XKR4: variants seen among roughly 807,000 people sequenced by gnomAD.
XKR4 encodes the protein XK-related protein 4.
A neutral mutation model predicts 53.9 loss-of-function variants in XKR4; 12 were observed. The ratio of observed to expected loss-of-function variants is 0.22; its 90% confidence interval spans 0.14 to 0.36. The LOEUF (loss-of-function observed/expected upper bound fraction) is 0.36. Among genes scored for constraint, XKR4 ranks in the 10% least tolerant of loss-of-function variants. The pLI, the probability that XKR4 is intolerant of heterozygous loss-of-function variation, is 1.00. For synonymous variants in XKR4, 354 were observed against 362.4 expected, an observed-to-expected ratio of 0.98 and a Z score of 0.26; for missense variants, 799 against 859.5, an observed-to-expected ratio of 0.93 and a Z score of 0.88.
intron 1 of XKR4, among the ~76,000 whole-genome samples, chr8:55,136,135 G>A (rs753304033): frequency 1.2e-4 from 18 of 151,986 alleles, no homozygotes; most frequent in Admixed American, 9.8e-4. Flanking sequence ...CTTGTGATCC[G>A]CCCCCCTTCG....
chr8:55,281,053 T>A (rs1563314421), intron 1 of XKR4, among the ~76,000 whole-genome samples: 1 of 152,198 alleles, frequency 6.6e-6, no homozygotes. Context: ...GACAGGTCTT[T>A]CACAGTGGTT....
At chr8:55,462,864 A>G (rs1805684970) in intron 2 of XKR4, among the ~76,000 whole-genome samples, 1 of 152,210 alleles carries the variant, frequency 6.6e-6, no homozygotes, top group Non-Finnish European at 1.5e-5. Flanking sequence ...AACAAAGATC[A>G]AAAGAGACAA....
At chr8:55,504,995 G>A (rs1806502111) in intron 2 of XKR4, among the ~76,000 whole-genome samples, 1 of 151,756 alleles carries the variant, frequency 6.6e-6, no homozygotes, top group South Asian at 2.1e-4. Flanking sequence ...TCCTTTTAAA[G>A]AACTAACTTT....
intron 1 of XKR4, among the ~76,000 whole-genome samples, chr8:55,295,406 G>A (rs1819087807): frequency 6.6e-6 from 1 of 152,146 alleles, no homozygotes; most frequent in Non-Finnish European, 1.5e-5. Context: ...TTTAGAGATA[G>A]GGAAGAGGTA....
chr8:55,320,867 A>G (rs999034001), intron 1 of XKR4, among the ~76,000 whole-genome samples: 59 of 152,208 alleles, frequency 3.9e-4, no homozygotes, highest in African/African-American at 1.3e-3. Context: ...TTTTTTATGT[A>G]TTGGTGTGTC....
At chr8:55,153,142 C>CCA (rs1563469716) in intron 1 of XKR4, among the ~76,000 whole-genome samples, 1 of 152,094 alleles carries the variant, frequency 6.6e-6, no homozygotes, top group Non-Finnish European at 1.5e-5. Flanking sequence ...TCCACACTTG[C>CCA]CACACACACA....
chr8:55,498,980 G>A (rs1806397723), intron 2 of XKR4, among the ~76,000 whole-genome samples: 1 of 152,232 alleles, frequency 6.6e-6, no homozygotes, highest in Non-Finnish European at 1.5e-5. Context: ...GTCTGCCTCA[G>A]GGGCAAGATA....
chr8:55,401,786 T>C (rs181791219), intron 2 of XKR4, among the ~76,000 whole-genome samples: 1 of 152,372 alleles, frequency 6.6e-6, no homozygotes, highest in East Asian at 1.9e-4. Flanking sequence ...AAAAGGCCTT[T>C]GTTTGTGTTG....
chr8:55,449,887 C>T lies in XKR4; in HGVS notation c.1007-73394C>T. 4 of 914,854 alleles carry T rather than the reference C, an allele frequency of 4.4e-6. No homozygotes were observed. In the East Asian group the frequency reaches 9.7e-5, roughly 22 times the overall value. 56.7% of individuals were successfully genotyped at this position (914,854 alleles called of 1,614,324 possible). The stretch of plus-strand genomic sequence containing the variant: ...GGCTGTAAGGGTGCTGGTGCTGCCG[C>T]AGGCAGCCTGGCGGGAGCCAGATGC... On this transcript the variant is annotated intron_variant, in intron 2 of 2. Coordinates refer to ENST00000327381, the MANE Select transcript of XKR4 (RefSeq NM_052898.2).
chr8:55,263,231 T>C (rs1376790845), intron 1 of XKR4, among the ~76,000 whole-genome samples: 1 of 152,190 alleles, frequency 6.6e-6, no homozygotes, highest in Admixed American at 6.5e-5. Context: ...GGAGTGTCAC[T>C]ACCCCATGTG....
chr8:55,505,517 C>T (rs946843735), intron 2 of XKR4, among the ~76,000 whole-genome samples: 5 of 152,156 alleles, frequency 3.3e-5, no homozygotes, highest in African/African-American at 1.2e-4. Context: ...CACCATGATA[C>T]TCCTGCCTGG....
chr8:55,477,295 G>A (rs1807174005), intron 2 of XKR4, among the ~76,000 whole-genome samples: 2 of 152,142 alleles, frequency 1.3e-5, no homozygotes, highest in Admixed American at 1.3e-4. Flanking sequence ...CAGGCAAACA[G>A]GGTCTGGAGT....
chr8:55,481,123 G>T (rs1806096734), intron 2 of XKR4, among the ~76,000 whole-genome samples: 1 of 152,144 alleles, frequency 6.6e-6, no homozygotes. Flanking sequence ...AAAGCCAGAG[G>T]CATCACACTA....
In XKR4 at chr8:55,341,000, G is replaced by A. The variant is rs147773063; in HGVS notation, c.807-16678G>A. On this transcript the variant is annotated intron_variant, in intron 1 of 2. Transcript: ENST00000327381. ...GTGGGAAAATTAGGAACCATTCTGG[G>A]GTGTTTGAGCATGGAACTCATGTAA... Among the ~76,000 whole-genome samples the A allele has an allele frequency of 1.9e-3, 289 of 152,244 alleles. 7 individuals are homozygous for A. The South Asian group carries it at 0.027, about 14-fold the overall frequency.
rs1032442829 is a variant in XKR4, at chr8:55,189,768, G to C, written c.806+86474G>C. The stretch of plus-strand genomic sequence containing the variant: ...GTATTTGTCAGCACTTTTGTTTCCT[G>C]TTCTTTATAAAGTCTCCTTTCTGCC... On this transcript the variant is annotated intron_variant, in intron 1 of 2. Coordinates refer to ENST00000327381, the MANE Select transcript of XKR4 (RefSeq NM_052898.2). 9.9e-5 allele frequency among the ~76,000 whole-genome samples: 15 copies of C among 152,206 alleles called. 1 individual carries two copies. The highest frequency in any genetic ancestry group is 8.5e-4 in the Admixed American group (13 of 15,288).
chr8:55,165,740 G>T (rs1021271565), intron 1 of XKR4, among the ~76,000 whole-genome samples: 1 of 150,526 alleles, frequency 6.6e-6, no homozygotes, highest in Admixed American at 6.6e-5. Context: ...GGGAGGCGGA[G>T]CTTGCAGTGA....
At chr8:55,144,158 A>G (rs1476228626) in intron 1 of XKR4, among the ~76,000 whole-genome samples, 2 of 152,146 alleles carry the variant, frequency 1.3e-5, no homozygotes, top group Non-Finnish European at 2.9e-5. Flanking sequence ...TTCATTTTGC[A>G]TCTCTTCTTG....
rs539481472 is a variant in XKR4, at chr8:55,358,598, CAAG to C, written c.1006+726_1006+728del. Among the ~76,000 whole-genome samples the C allele has an allele frequency of 3.3e-4, 50 of 152,298 alleles. No individual in the cohort carries two copies. The South Asian group carries it at 1.0e-2, about 30-fold the overall frequency. On this transcript the variant is annotated intron_variant, in intron 2 of 2. Transcript: ENST00000327381. ...TCAAATCCTTTCTAGAATAAGGCAG[CAAG>C]AAGATTAGACAGACTGGTGGGTAAG...
intron 2 of XKR4, among the ~76,000 whole-genome samples, chr8:55,490,802 G>C (rs949932784): frequency 4.0e-4 from 20 of 50,362 alleles, no homozygotes; most frequent in African/African-American, 7.8e-4. Flanking sequence ...AGTATGTATA[G>C]TGTGTGTGTG....
Sources: allele counts gnomAD v4.1 joint callset (sites outside exome capture counted in the v4.1 genomes callset), GRCh38; gene constraint gnomAD v4.1.1; transcripts MANE v1.5; gene names NCBI Gene and HGNC (gene_info 2026-07-23, HGNC 2026-07-21).